The following CTSZ variants were observed in gnomAD, a reference collection of about 807,000 sequenced individuals.
The protein encoded by CTSZ is cathepsin Z.
A neutral mutation model predicts 32.4 loss-of-function variants in CTSZ; 39 were observed. The observed-to-expected ratio is 1.20, with a 90% CI of 0.93 to 1.57. CTSZ has a LOEUF of 1.57. CTSZ is among the 40% of genes most tolerant of loss of function. CTSZ has a pLI of 0.00. For missense variants in CTSZ, 397 were observed against 419.6 expected (o/e 0.95, Z 0.47); for synonymous variants, 168 against 170.1 (o/e 0.99, Z 0.10).
chr20:58,998,264 TAAA>T (rs56775894), intron 3 of CTSZ, among the ~76,000 whole-genome samples: 14,614 of 151,794 alleles, frequency 0.096, 913 homozygotes, highest in Middle Eastern at 0.17. Context: ...AAAAATAAAA[TAAA>T]GAGGGCCAGG....
Position 59,007,118 on chromosome 20 carries a change from C to G in CTSZ, c.11G>C (p.Arg4Pro). 1 of 1,394,728 alleles carries G rather than the reference C, an allele frequency of 7.2e-7. No homozygotes were observed. The highest frequency in any genetic ancestry group is 9.3e-7 in the Non-Finnish European group (1 of 1,080,272). 86.4% of individuals were successfully genotyped at this position (1,394,728 alleles called of 1,614,324 possible). A position where few individuals can be genotyped will look rare whatever the true frequency, so the allele number is the denominator to read the frequency against. ...CAGAAGCGGCCGCCACCCTGGCCCGCGCCTCGCCATGGCCCCGCGCCGGCT... is the reference window on the plus strand; with the variant it reads ...CAGAAGCGGCCGCCACCCTGGCCCGGGCCTCGCCATGGCCCCGCGCCGGCT... MAR[R>P]GPGWRPLLLL... Residue 4 changes from arginine to proline, a missense_variant, in exon 1 of 6, where the codon CGC (arginine) becomes CCC (proline). Transcript: ENST00000217131.
At chr20:59,003,639 G>A (rs1446797264) in intron 2 of CTSZ, among the ~76,000 whole-genome samples, 3 of 152,220 alleles carry the variant, frequency 2.0e-5, no homozygotes, top group Non-Finnish European at 4.4e-5. Context: ...AATTCAGGAA[G>A]TGGGGTGTCA....
At chr20:58,999,608 T>A (rs1255793432) in intron 3 of CTSZ, among the ~76,000 whole-genome samples, 1 of 152,228 alleles carries the variant, frequency 6.6e-6, no homozygotes, top group Non-Finnish European at 1.5e-5. Flanking sequence ...GGAGCCCCGT[T>A]GGCAGAGGGT....
chr20:58,996,931 T>A lies in CTSZ; in HGVS notation c.639-130A>T, dbSNP rs2091863396. ...CAGCACTTTGGGAGGCCGAGGCAGG[T>A]GGATCGCTTGAGTCCAGGAATTCAA... On this transcript the variant is annotated intron_variant, in intron 4 of 5. Transcript: ENST00000217131. The A allele has an allele frequency of 1.6e-5, 15 of 948,744 alleles. No homozygotes were observed. In the South Asian group the frequency reaches 2.3e-4, roughly 14 times the overall value. 58.8% of individuals were successfully genotyped at this position (948,744 alleles called of 1,614,324 possible).
rs2091868364 is a variant in CTSZ, at chr20:58,997,683, G to T, written c.558C>A (p.Thr186=). ...AGCCGTAGTCTCCCACCCTCCAGAG[G>T]GTGTAGTTCCGGATGGCGTGGCACT... ...FKECHAIRNY[T]LWRVGDYGSL... is the part of the protein sequence containing the mutation. Residue 186 remains threonine, a synonymous_variant, in exon 4 of 6, where the codon ACC becomes ACA. Transcript: ENST00000217131. 6.2e-7 allele frequency: 1 copy of T among 1,610,048 alleles called. No homozygotes were observed. The highest frequency in any genetic ancestry group is 1.3e-5 in the African/African-American group (1 of 74,946).
rs1297235242 is a variant in CTSZ, at chr20:59,006,483, G to A, written c.146C>T (p.Thr49Ile). Residue 49 changes from threonine to isoleucine, a missense_variant and splice_region_variant, in exon 2 of 6, where the codon ACA becomes ATA. Thr to Ile is a moderately conservative substitution (Grantham distance 89). Transcript: ENST00000217131. The stretch of plus-strand genomic sequence containing the variant: ...CAGGTACTCATGAGGCCGGGGGTAT[G>A]TGCTGAGAAGAGATCATCCCCACCC... ...GDGLAPLGRS[T>I]YPRPHEYLSP... The A allele has an allele frequency of 6.2e-7, 1 of 1,611,080 alleles. No individual in the cohort carries two copies. The highest frequency in any genetic ancestry group is 8.5e-7 in the Non-Finnish European group (1 of 1,179,138).
chr20:58,995,377 CTG>C lies in CTSZ; in HGVS notation c.*270_*271del. On this transcript the variant is annotated 3_prime_UTR_variant, in exon 6 of 6. Coordinates refer to ENST00000217131, the MANE Select transcript of CTSZ (RefSeq NM_001336.4). ...ATATCAAGTCCTCTGCTGAAGAAGA[CTG>C]AGGTCCCATCGTTTCCTGTGTCGCA... 1 of 379,082 alleles carries C rather than the reference CTG, an allele frequency of 2.6e-6. No homozygotes were observed. The highest frequency in any genetic ancestry group is 6.3e-5 in the South Asian group (1 of 15,778). The allele number at this position is 379,082 out of a possible 1,614,324, so 23.5% of individuals were successfully genotyped here.
At chr20:59,006,919 G>C (rs1276166992) in intron 1 of CTSZ, 67 bp downstream of exon 1, 2 of 1,300,218 alleles carry the variant, frequency 1.5e-6, no homozygotes, top group Non-Finnish European at 2.0e-6. Context: ...CCAGGAGGCA[G>C]AGCGCGCGCC....
Position 59,004,801 on chromosome 20 carries a change from A to C in CTSZ, c.307+1521T>G, listed in dbSNP as rs920990137. ...GTGCCTGGGCCTGGGTGCGCTGAGA[A>C]GGAGGTTTCAGGAGAAAGTGGGGTG... On this transcript the variant is annotated intron_variant, in intron 2 of 5. Transcript: ENST00000217131. The surrounding 1 kb of genome is among the most constrained non-coding windows in gnomAD (Gnocchi z 5.6). Among the ~76,000 whole-genome samples, 5 of 152,026 alleles carry C rather than the reference A, an allele frequency of 3.3e-5. No individual in the cohort carries two copies. Among genetic ancestry groups the C allele is most frequent in the Non-Finnish European group, 7.4e-5 (5 of 67,986 alleles).
chr20:59,001,696 C>T, intron 2 of CTSZ, 52 bp from the exon 3 acceptor site: 1 of 1,578,142 alleles, frequency 6.3e-7, no homozygotes, highest in South Asian at 1.1e-5. Flanking sequence ...CCACCCACTT[C>T]CCCGAACGGA....
chr20:58,996,383 T>C (rs1474292921), intron 5 of CTSZ, among the ~76,000 whole-genome samples: 1 of 152,110 alleles, frequency 6.6e-6, no homozygotes, highest in Non-Finnish European at 1.5e-5. Context: ...ACACTGGGAT[T>C]GCGGGGAGTC....
chr20:59,006,611 A>G, intron 1 of CTSZ, 126 bp from the exon 2 acceptor site: 4 of 1,009,094 alleles, frequency 4.0e-6, no homozygotes, highest in Non-Finnish European at 4.3e-6. Flanking sequence ...GGCCACAATC[A>G]CCAGAGGTGA....
At chr20:59,006,585 G>A in intron 1 of CTSZ, 100 bp from the exon 2 acceptor site, 1 of 1,247,136 alleles carries the variant, frequency 8.0e-7, no homozygotes, top group Non-Finnish European at 1.1e-6. Flanking sequence ...CCCAACACCT[G>A]AGGGCATGGG....
chr20:59,006,443 C>T lies in CTSZ; in HGVS notation c.186G>A (p.Leu62=). 6.2e-7 allele frequency: 1 copy of T among 1,613,906 alleles called. No homozygotes were observed. Among genetic ancestry groups the T allele is most frequent in the Non-Finnish European group, 8.5e-7 (1 of 1,179,988 alleles). Residue 62 remains leucine (L), a synonymous_variant, in exon 2 of 6, where the codon CTG becomes CTA. Coordinates refer to ENST00000217131, the MANE Select transcript of CTSZ (RefSeq NM_001336.4). ...RPHEYLSPAD[L]PKSWDWRNVD... ...CATTGCGCCAGTCCCAGCTCTTGGGCAGATCCGCTGGGGACAGGTACTCAT... is the reference window on the plus strand; with the variant it reads ...CATTGCGCCAGTCCCAGCTCTTGGGTAGATCCGCTGGGGACAGGTACTCAT...
At chr20:58,997,092 G>C (rs2091864156) in intron 4 of CTSZ, among the ~76,000 whole-genome samples, 2 of 150,622 alleles carry the variant, frequency 1.3e-5, no homozygotes. Flanking sequence ...AGCCCGGGCG[G>C]TCAAGGCTGC....
intron 2 of CTSZ, 36 bp downstream of exon 2, chr20:59,006,286 G>A: frequency 6.4e-7 from 1 of 1,557,300 alleles, no homozygotes; most frequent in Non-Finnish European, 8.7e-7. Context: ...GCCGGGATGG[G>A]CTTTCCTGGC....
intron 5 of CTSZ, among the ~76,000 whole-genome samples, 160 bp from the exon 6 acceptor site, chr20:58,995,919 CT>C (rs1308639771): frequency 6.6e-6 from 1 of 152,206 alleles, no homozygotes; most frequent in Non-Finnish European, 1.5e-5. Context: ...CCCATGACCC[CT>C]GTTCTGAAAT....
Position 59,004,556 on chromosome 20 carries a change from A to G in CTSZ, c.307+1766T>C, listed in dbSNP as rs764329541. On this transcript the variant is annotated intron_variant, in intron 2 of 5. Transcript: ENST00000217131. This position sits in a 1 kb window ranked among gnomAD's most constrained non-coding sequence, Gnocchi z 5.6. ...CAGATACTTCCCTAGGGAGCCCAGA[A>G]TTGGGGCGGGGTGGGGCCGGGGGCT... 2.3e-4 allele frequency among the ~76,000 whole-genome samples: 35 copies of G among 149,526 alleles called. No individual in the cohort carries two copies. Among genetic ancestry groups the G allele is most frequent in the Non-Finnish European group, 4.3e-4 (29 of 67,404 alleles).
intron 3 of CTSZ, among the ~76,000 whole-genome samples, chr20:59,000,386 A>G (rs999190612): frequency 7.9e-5 from 12 of 152,242 alleles, no homozygotes; most frequent in African/African-American, 2.9e-4. Flanking sequence ...CTCAAAAACA[A>G]ACAAACAAAC....
Sources: allele counts gnomAD v4.1 joint callset (sites outside exome capture counted in the v4.1 genomes callset), GRCh38; gene constraint gnomAD v4.1.1; non-coding constraint Gnocchi (gnomAD v3.1); transcripts MANE v1.5; gene names NCBI Gene and HGNC (gene_info 2026-07-23, HGNC 2026-07-21).